The following ZDHHC17 variants were observed in gnomAD, a reference collection of about 807,000 sequenced individuals.
ZDHHC17 encodes the protein palmitoyltransferase ZDHHC17.
Under a neutral mutation model 90.3 loss-of-function variants are expected in ZDHHC17, and 40 were observed. That is an observed-to-expected ratio of 0.44 (90% confidence interval 0.34 to 0.58). The LOEUF is 0.58. Ranked by LOEUF, ZDHHC17 falls within the 20% of genes least tolerant of loss-of-function variation. The pLI is 0.01. For synonymous variants in ZDHHC17, 235 were observed against 252.4 expected (o/e 0.93, Z 0.65); for missense variants, 614 against 780.8 (o/e 0.79, Z 2.55).
At chr12:76,829,225 G>A (rs1019040309) in intron 10 of ZDHHC17, among the ~76,000 whole-genome samples, 2 of 151,948 alleles carry the variant, frequency 1.3e-5, no homozygotes, top group African/African-American at 2.4e-5. Flanking sequence ...TTGGGAGGTC[G>A]AGGTGAGTGG....
At chr12:76,772,686 C>T (rs576288531) in intron 1 of ZDHHC17, among the ~76,000 whole-genome samples, 2 of 151,724 alleles carry the variant, frequency 1.3e-5, no homozygotes, top group East Asian at 3.9e-4. Context: ...AAGCACGTGC[C>T]ACCATGCCCA....
rs933700187 is a variant in ZDHHC17, at chr12:76,845,725, G to T, written c.1346G>T (p.Arg449Met). 1.2e-6 allele frequency: 2 copies of T among 1,607,918 alleles called. No individual in the cohort carries two copies. The highest frequency in any genetic ancestry group is 1.7e-5 in the Admixed American group (1 of 59,544). The change falls in exon 13 of 17, where the codon AGG becomes ATG. Residue 449 changes from arginine (R) to methionine (M), a missense_variant. By Grantham distance (91) the Arg-to-Met change is moderately conservative (BLOSUM62 -1). Transcript: ENST00000426126. ...CSTCLIRKPVRSKHCGVCNRC... is the reference protein window; with the variant it reads ...CSTCLIRKPVMSKHCGVCNRC... The stretch of plus-strand genomic sequence containing the variant: ...TATTAACAGATACGAAAACCGGTGA[G>T]GTCCAAACATTGTGGTGTGTGCAAC...
chr12:76,842,514 G>T (rs1953447363), intron 11 of ZDHHC17, among the ~76,000 whole-genome samples: 1 of 152,136 alleles, frequency 6.6e-6, no homozygotes, highest in African/African-American at 2.4e-5. Context: ...ACCATCCAGG[G>T]CATCCCTTTC....
At chr12:76,835,062 T>C (rs2137795265) in intron 10 of ZDHHC17, among the ~76,000 whole-genome samples, 2 of 149,518 alleles carry the variant, frequency 1.3e-5, no homozygotes, top group African/African-American at 4.9e-5. Context: ...TTAGGCCTTT[T>C]TTTTTTTTTT....
At chr12:76,797,876 G>A (rs1162686858) in intron 2 of ZDHHC17, among the ~76,000 whole-genome samples, 5 of 151,778 alleles carry the variant, frequency 3.3e-5, no homozygotes, top group Admixed American at 6.6e-5. Context: ...CCCAGGAGGC[G>A]GAGGTTGCAG....
chr12:76,798,122 C>T (rs1215713220), intron 2 of ZDHHC17, among the ~76,000 whole-genome samples: 1 of 152,122 alleles, frequency 6.6e-6, no homozygotes, highest in African/African-American at 2.4e-5. Flanking sequence ...GGAATTAAAG[C>T]ACTTTAAATG....
Position 76,828,487 on chromosome 12 carries a change from A to G in ZDHHC17, c.1138A>G (p.Asn380Asp). Residue 380 changes from asparagine to aspartate, a missense_variant, in exon 10 of 17, where the codon AAT (asparagine) becomes GAT (aspartate). Coordinates refer to ENST00000426126, the MANE Select transcript of ZDHHC17 (RefSeq NM_015336.4). The stretch of plus-strand genomic sequence containing the variant: ...TGTGACGTGGTTCTTCTGGTTTTGG[A>G]ATGATATCCTTTGGTTATAAAGATC... ...MYVTWFFWFW[N>D]DLNFLFIHLP... The G allele has an allele frequency of 6.2e-7, 1 of 1,612,066 alleles. No individual in the cohort carries two copies. Among genetic ancestry groups the G allele is most frequent in the Non-Finnish European group, 8.5e-7 (1 of 1,179,276 alleles).
At chr12:76,805,562 G>A in intron 3 of ZDHHC17, 123 bp downstream of exon 3, 1 of 908,062 alleles carries the variant, frequency 1.1e-6, no homozygotes, top group Non-Finnish European at 1.6e-6. Context: ...GATAGATTCT[G>A]TGTACCTTGT....
At position 76,808,475 on chromosome 12, in the gene ZDHHC17, T is replaced by C. The variant is rs533570902; in HGVS notation, c.321-568T>C. ...GTGAGATGCTATCTTTCTCTCTCTC[T>C]CCCCCTCTCTCAAAAAAAGATATTA... On this transcript the variant is annotated intron_variant, in intron 3 of 16. Coordinates refer to ENST00000426126, the MANE Select transcript of ZDHHC17 (RefSeq NM_015336.4). 5.3e-5 allele frequency among the ~76,000 whole-genome samples: 8 copies of C among 151,920 alleles called. No homozygotes were observed. The East Asian group carries it at 1.5e-3, about 29-fold the overall frequency.
At chr12:76,790,115 T>C (rs1445697075) in intron 1 of ZDHHC17, among the ~76,000 whole-genome samples, 2 of 152,168 alleles carry the variant, frequency 1.3e-5, no homozygotes, top group African/African-American at 4.8e-5. Context: ...CTCTTGACAT[T>C]GTTTTTGTAA....
In ZDHHC17 at chr12:76,764,312, C is replaced by T. The variant is rs367734016; in HGVS notation, c.76C>T (p.Pro26Ser). The part of the protein sequence containing the change: ...DEYDTEAGCV[P>S]LLHPEEIKPQ... Reference sequence around the variant, plus strand: ...GTACGATACCGAAGCGGGCTGTGTGCCCCTTCTCCACCCAGAGGTGAGGAA... The same window carrying T: ...GTACGATACCGAAGCGGGCTGTGTGTCCCTTCTCCACCCAGAGGTGAGGAA... The change falls in exon 1 of 17, where the codon CCC becomes TCC. Residue 26 changes from proline to serine, a missense_variant. Around this residue, in one of 5 missense-constraint regions of ZDHHC17, gnomAD observed 358 missense variants for 380.4 expected, o/e 0.94. Transcript: ENST00000426126. The T allele has an allele frequency of 7.2e-5, 115 of 1,602,348 alleles. No homozygotes were observed. Among genetic ancestry groups the T allele is most frequent in the Non-Finnish European group, 9.3e-5 (109 of 1,174,640 alleles).
At chr12:76,847,878 C>G (rs912788550) in intron 14 of ZDHHC17, among the ~76,000 whole-genome samples, 1 of 152,028 alleles carries the variant, frequency 6.6e-6, no homozygotes, top group African/African-American at 2.4e-5. Context: ...CTCATGTCAC[C>G]ATCCTATTAT....
At chr12:76,787,622 CT>C in intron 1 of ZDHHC17, among the ~76,000 whole-genome samples, 1 of 137,248 alleles carries the variant, frequency 7.3e-6, no homozygotes, top group East Asian at 2.0e-4. Context: ...CTCTCCCTCT[CT>C]CTCTCTCTCT....
intron 1 of ZDHHC17, among the ~76,000 whole-genome samples, chr12:76,784,022 G>A (rs1952658378): frequency 1.3e-5 from 2 of 152,260 alleles, no homozygotes; most frequent in South Asian, 4.1e-4. Context: ...GATGATTTTC[G>A]ACTTCTGACC....
chr12:76,822,648 G>A (rs1304002007), intron 8 of ZDHHC17, 117 bp downstream of exon 8: 7 of 759,410 alleles, frequency 9.2e-6, no homozygotes, highest in Admixed American at 2.9e-5. Context: ...CCTGCCTCTC[G>A]GTTTAAAGTG....
chr12:76,776,062 C>A (rs1952555551), intron 1 of ZDHHC17, among the ~76,000 whole-genome samples: 2 of 151,646 alleles, frequency 1.3e-5, no homozygotes, highest in South Asian at 4.1e-4. Context: ...TATTTGTGTC[C>A]TTTTTCCATT....
intron 1 of ZDHHC17, among the ~76,000 whole-genome samples, chr12:76,785,744 C>G (rs1180772080): frequency 6.6e-6 from 1 of 152,126 alleles, no homozygotes; most frequent in Non-Finnish European, 1.5e-5. Context: ...AGTAGAATAG[C>G]TAACATGAGC....
rs1175088461 is a variant in ZDHHC17 at position 76,851,362 on chromosome 12, T to A, written c.*377T>A. On this transcript the variant is annotated 3_prime_UTR_variant, in exon 17 of 17. Coordinates refer to ENST00000426126, the MANE Select transcript of ZDHHC17 (RefSeq NM_015336.4). ...TTTAACTAAAACTAAATTTATGTTA[T>A]TTGGCTAAATGTTATGATGCAGTCT... is the stretch of plus-strand genomic sequence containing the variant. 1 of 228,626 alleles carries A rather than the reference T, an allele frequency of 4.4e-6. No homozygotes were observed. Among genetic ancestry groups the A allele is most frequent in the African/African-American group, 2.4e-5 (1 of 42,032 alleles). 14.2% of individuals were successfully genotyped at this position (228,626 alleles called of 1,614,324 possible). A position where few individuals can be genotyped will look rare whatever the true frequency, so the allele number is the denominator to read the frequency against.
At chr12:76,811,429 G>C (rs756052168) in intron 5 of ZDHHC17, among the ~76,000 whole-genome samples, 35 of 151,908 alleles carry the variant, frequency 2.3e-4, no homozygotes, top group Non-Finnish European at 2.4e-4. Flanking sequence ...ACATTTTTGA[G>C]TCTTCATGGT....
Sources: allele counts gnomAD v4.1 joint callset (sites outside exome capture counted in the v4.1 genomes callset), GRCh38; gene constraint gnomAD v4.1.1; regional missense constraint gnomAD v4.1.1; transcripts MANE v1.5; gene names NCBI Gene and HGNC (gene_info 2026-07-23, HGNC 2026-07-21).